Variants in JMY observed in about 807,000 individuals in gnomAD.
JMY encodes the protein junction mediating and regulatory protein, p53 cofactor, also known as junction-mediating and -regulatory protein.
Under a neutral mutation model 103.3 loss-of-function variants are expected in JMY, and 46 were observed. The ratio of observed to expected loss-of-function variants is 0.45; its 90% CI spans 0.35 to 0.57. The LOEUF (loss-of-function observed/expected upper bound fraction) is 0.57, where lower values mean the gene tolerates loss of function less well. Ranked by LOEUF, JMY falls within the 20% of genes least tolerant of loss-of-function variation. JMY has a pLI of 0.00. For synonymous variants in JMY, 526 were observed against 489.3 expected (o/e 1.07, Z -0.99); for missense variants, 1,238 against 1,255.2 (o/e 0.99, Z 0.21).
intron 1 of JMY, among the ~76,000 whole-genome samples, chr5:79,274,305 T>C (rs1413441871): frequency 6.6e-6 from 1 of 152,254 alleles, no homozygotes; most frequent in Non-Finnish European, 1.5e-5. Context: ...CAATTAGCGT[T>C]ATAATAGCTG....
rs112549747 is a variant in JMY, at chr5:79,281,824, T to C, written c.1206+3741T>C. On this transcript the variant is annotated intron_variant, in intron 2 of 10. Coordinates refer to ENST00000396137, the MANE Select transcript of JMY (RefSeq NM_152405.5). ...CTAAATGGATTCACTTGGTTGTATA[T>C]AAATTAAGCCATAGTAAAATTGCTT... Among the ~76,000 whole-genome samples the C allele has an allele frequency of 9.4e-3, 1,438 of 152,272 alleles. 26 individuals carry two copies. The highest frequency in any genetic ancestry group is 0.033 in the African/African-American group (1,368 of 41,532).
Position 79,236,643 on chromosome 5 carries a change from G to A in JMY, c.-8G>A, listed in dbSNP as rs763003185. On this transcript the variant is annotated 5_prime_UTR_variant, in exon 1 of 11. Transcript: ENST00000396137. ...GGCCCTTCCCCGCGGCGAGAAGCCGGAGCCACCATGTCGTTCGCGCTGGAG... is the reference window on the plus strand; with the variant it reads ...GGCCCTTCCCCGCGGCGAGAAGCCGAAGCCACCATGTCGTTCGCGCTGGAG... 1.5e-5 allele frequency: 21 copies of A among 1,389,798 alleles called. No homozygotes were observed. The South Asian group carries it at 3.4e-4, about 22-fold the overall frequency. The allele number at this position is 1,389,798 out of a possible 1,614,324, so 86.1% of individuals were successfully genotyped here. A position where few individuals can be genotyped will look rare whatever the true frequency, so the allele number is the denominator to read the frequency against.
At chr5:79,316,347 T>A in intron 10 of JMY, 37 bp downstream of exon 10, 1 of 1,472,364 alleles carries the variant, frequency 6.8e-7, no homozygotes, top group Non-Finnish European at 9.3e-7. Context: ...CATTCAGTAA[T>A]ACAGGTTTTA....
chr5:79,293,942 T>C (rs1266902994), intron 4 of JMY, among the ~76,000 whole-genome samples: 3 of 152,228 alleles, frequency 2.0e-5, no homozygotes, highest in African/African-American at 7.2e-5. Flanking sequence ...TTATCAGATA[T>C]AGCTTACGTT....
chr5:79,281,145 T>TGCCATTCTCCTGCCTCAGCTTCCC (rs1239720744), intron 2 of JMY, among the ~76,000 whole-genome samples: 2 of 151,544 alleles, frequency 1.3e-5, no homozygotes, highest in Non-Finnish European at 2.9e-5. Context: ...CCCGGGTTCG[T>TGCCATTCTCCTGCCTCAGCTTCCC]GCCATTCTCC....
intron 10 of JMY, among the ~76,000 whole-genome samples, chr5:79,319,753 G>C (rs1747388494): frequency 6.6e-6 from 1 of 151,894 alleles, no homozygotes; most frequent in Non-Finnish European, 1.5e-5. Context: ...GCTAATTTTT[G>C]TATTTTTGTA....
At chr5:79,278,612 A>AAT in intron 2 of JMY, among the ~76,000 whole-genome samples, 1 of 149,022 alleles carries the variant, frequency 6.7e-6, no homozygotes. Flanking sequence ...AAAAAAAAAA[A>AAT]ATCAAACTAG....
chr5:79,236,680 G>A lies in JMY; in HGVS notation c.30G>A (p.Glu10=), dbSNP rs1021498972. 5.4e-6 allele frequency: 8 copies of A among 1,480,550 alleles called. No homozygotes were observed. The highest frequency in any genetic ancestry group is 1.5e-5 in the African/African-American group (1 of 68,470). The allele number at this position is 1,480,550 out of a possible 1,614,324, so 91.7% of individuals were successfully genotyped here. The part of the protein sequence containing the change: MSFALEETL[E]SDWVAVRPHV... ...CGTTCGCGCTGGAGGAGACGCTCGAGTCGGACTGGGTGGCTGTGCGGCCCC... is the reference window on the plus strand; with the variant it reads ...CGTTCGCGCTGGAGGAGACGCTCGAATCGGACTGGGTGGCTGTGCGGCCCC... Residue 10 remains glutamate (E), a synonymous_variant, in exon 1 of 11, where the codon GAG becomes GAA. Coordinates refer to ENST00000396137, the MANE Select transcript of JMY (RefSeq NM_152405.5).
At chr5:79,246,707 C>G (rs1046612913) in intron 1 of JMY, among the ~76,000 whole-genome samples, 11 of 152,044 alleles carry the variant, frequency 7.2e-5, no homozygotes, top group Non-Finnish European at 2.9e-5. Flanking sequence ...ATGGTAAAAC[C>G]CTGTCTCTAC....
chr5:79,301,900 G>A (rs559732371), intron 6 of JMY, among the ~76,000 whole-genome samples: 9 of 151,966 alleles, frequency 5.9e-5, no homozygotes, highest in Admixed American at 1.3e-4. Flanking sequence ...CAGCCAACAT[G>A]GTGAAACCCT....
In JMY at chr5:79,296,676, T is replaced by C. The variant is rs571636349; in HGVS notation, c.1528-3477T>C. Among the ~76,000 whole-genome samples the C allele has an allele frequency of 1.8e-4, 28 of 152,336 alleles. No individual in the cohort carries two copies. The South Asian group carries it at 5.8e-3, about 32-fold the overall frequency. ...CTTATTTTCGAACCCTCATTTCATT[T>C]CTTGTTGACTGCATATTTTCTGTAA... On this transcript the variant is annotated intron_variant, in intron 4 of 10. Coordinates refer to ENST00000396137, the MANE Select transcript of JMY (RefSeq NM_152405.5).
At chr5:79,308,561 A>T (rs1455360248) in intron 7 of JMY, among the ~76,000 whole-genome samples, 1 of 152,082 alleles carries the variant, frequency 6.6e-6, no homozygotes, top group Non-Finnish European at 1.5e-5. Context: ...TGTTTTGTTC[A>T]TCTAGGTCTT....
intron 2 of JMY, among the ~76,000 whole-genome samples, chr5:79,278,568 C>T (rs953958283): frequency 1.2e-4 from 13 of 109,702 alleles, no homozygotes; most frequent in Non-Finnish European, 1.8e-4. Context: ...CTGGGCAACA[C>T]GGAGAACCCG....
intron 1 of JMY, among the ~76,000 whole-genome samples, chr5:79,268,318 AT>A (rs960245186): frequency 1.1e-4 from 17 of 152,220 alleles, no homozygotes; most frequent in African/African-American, 3.4e-4. Flanking sequence ...GTACAGTTGC[AT>A]TTCCATCAAC....
intron 1 of JMY, among the ~76,000 whole-genome samples, chr5:79,258,124 T>G (rs1471953461): frequency 6.6e-6 from 1 of 152,112 alleles, no homozygotes; most frequent in African/African-American, 2.4e-5. Context: ...ATGAGAGGTA[T>G]GTATTTTCCC....
chr5:79,291,211 T>C lies in JMY; in HGVS notation c.1439T>C (p.Leu480Pro), dbSNP rs1368617955. The change falls in exon 4 of 11, where the codon CTC (leucine) becomes CCC (proline). Residue 480 changes from leucine to proline, a missense_variant. Transcript: ENST00000396137. ...WAAAAERMEK[L>P]QYAVSKETLQ... is the part of the protein sequence containing the mutation. ...GCGGCTGCTGAACGGATGGAAAAAC[T>C]CCAGTATGCAGTTTCTAAGGAAACT... 1 of 1,613,452 alleles carries C rather than the reference T, an allele frequency of 6.2e-7. No homozygotes were observed.
At chr5:79,287,892 C>T (rs1037965567) in intron 2 of JMY, among the ~76,000 whole-genome samples, 1 of 152,138 alleles carries the variant, frequency 6.6e-6, no homozygotes, top group African/African-American at 2.4e-5. Flanking sequence ...AGAAGAACTT[C>T]TATTATAATA....
chr5:79,248,051 C>T lies in JMY; in HGVS notation c.1032+10369C>T, dbSNP rs530909801. ...GGGACTACAGGTACACACCACCACA[C>T]CTGGCTAATTTTTGTATTTTTAGTA... On this transcript the variant is annotated intron_variant, in intron 1 of 10. Coordinates refer to ENST00000396137, the MANE Select transcript of JMY (RefSeq NM_152405.5). 2.7e-4 allele frequency among the ~76,000 whole-genome samples: 41 copies of T among 151,902 alleles called. 1 individual carries two copies. In the South Asian group the frequency reaches 8.5e-3, roughly 32 times the overall value.
At chr5:79,315,971 G>A (rs762026081) in intron 9 of JMY, 29 bp from the exon 10 acceptor site, 17 of 1,598,644 alleles carry the variant, frequency 1.1e-5, no homozygotes, top group East Asian at 2.2e-5. Flanking sequence ...AGTCCTAACT[G>A]TAATACTGTT....
Sources: gnomAD v4.1 joint callset for allele counts (sites outside exome capture counted in the v4.1 genomes callset) on GRCh38, gnomAD v4.1.1 for gene constraint, MANE v1.5 for transcripts, NCBI Gene and HGNC (gene_info 2026-07-23, HGNC 2026-07-21) for gene names.